Variants in SMARCC2 observed in about 807,000 individuals in gnomAD.
SMARCC2 encodes SWI/SNF complex subunit SMARCC2.
A neutral mutation model predicts 151.3 loss-of-function variants in SMARCC2; 15 were observed. The ratio of observed to expected loss-of-function variants is 0.10; its 90% confidence interval spans 0.07 to 0.15. The LOEUF is 0.15. SMARCC2 is among the 10% of genes least tolerant of loss of function. The pLI is 1.00. For synonymous variants in SMARCC2, 590 were observed against 609.5 expected, an observed-to-expected ratio of 0.97 and a Z score of 0.47; for missense variants, 1,031 against 1,599.7, an observed-to-expected ratio of 0.64 and a Z score of 6.06.
intron 8 of SMARCC2, 28 bp downstream of exon 8, chr12:56,181,976 G>A: frequency 6.3e-7 from 1 of 1,593,826 alleles, no homozygotes; most frequent in Non-Finnish European, 8.6e-7. Flanking sequence ...ATTCTTTTTG[G>A]GGAAGAGGGG....
intron 26 of SMARCC2, among the ~76,000 whole-genome samples, chr12:56,167,844 CCT>C: frequency 6.6e-6 from 1 of 151,614 alleles, no homozygotes; most frequent in Non-Finnish European, 1.5e-5. Context: ...GCTTTGAAGC[CCT>C]GTCTGTCTCA....
In SMARCC2 at chr12:56,165,498, C is replaced by G. The variant is rs1167142156; in HGVS notation, c.3052G>C (p.Ala1018Pro). 5.7e-6 allele frequency: 9 copies of G among 1,584,542 alleles called. No homozygotes were observed. The highest frequency in any genetic ancestry group is 7.7e-6 in the Non-Finnish European group (9 of 1,165,004). The change falls in exon 27 of 29, where the codon GCT becomes CCT. Residue 1018 changes from alanine to proline, a missense_variant. Transcript: ENST00000550164. ...GGGACTACAGAGGCTGGAGCCACAGCCAAGCCATGGACTGCGGGTGGCCCA... is the reference window on the plus strand; with the variant it reads ...GGGACTACAGAGGCTGGAGCCACAGGCAAGCCATGGACTGCGGGTGGCCCA... ...AAGPPAVHGL[A>P]VAPASVVPAP...
In SMARCC2 at chr12:56,164,666, C is replaced by T. The variant is rs147239359; in HGVS notation, c.3298G>A (p.Gly1100Arg). 1.2e-5 allele frequency: 19 copies of T among 1,612,120 alleles called. No individual in the cohort carries two copies. Among genetic ancestry groups the T allele is most frequent in the African/African-American group, 2.7e-5 (2 of 74,904 alleles). ...SMMPGAVPGS[G>R]HPGVAGNAPL... ...GCATTACCCGCCACGCCTGGGTGCC[C>T]GCTGCCTGGCACTGCCCCTGGCATC... Residue 1100 changes from glycine (G) to arginine (R), a missense_variant, in exon 28 of 29, where the codon GGG becomes AGG. By Grantham distance (125) the Gly-to-Arg change is moderately radical. Transcript: ENST00000550164.
chr12:56,187,961 T>C (rs928406477), intron 1 of SMARCC2, among the ~76,000 whole-genome samples: 6 of 152,218 alleles, frequency 3.9e-5, no homozygotes, highest in Non-Finnish European at 8.8e-5. Flanking sequence ...CTTCTATGTT[T>C]CCACACTCTG....
intron 11 of SMARCC2, among the ~76,000 whole-genome samples, chr12:56,180,332 A>AT (rs1313331331): frequency 6.7e-6 from 1 of 150,176 alleles, no homozygotes; most frequent in African/African-American, 2.5e-5. Context: ...GATGGTCTCG[A>AT]TCTCCTGACC....
At chr12:56,185,291 G>C (rs2135751812) in intron 3 of SMARCC2, 180 bp from the exon 4 acceptor site, 1 of 572,102 alleles carries the variant, frequency 1.7e-6, no homozygotes, top group East Asian at 3.1e-5. Context: ...CAATTCTCCT[G>C]TCTCAGCCTC....
At chr12:56,167,910 A>T (rs886583141) in intron 26 of SMARCC2, 150 bp downstream of exon 26, 3 of 858,722 alleles carry the variant, frequency 3.5e-6, no homozygotes, top group Admixed American at 2.3e-5. Flanking sequence ...ACACACACAC[A>T]CTCAGGCTTT....
intron 7 of SMARCC2, 179 bp downstream of exon 7, chr12:56,183,682 A>G (rs1202360554): frequency 7.6e-6 from 4 of 529,454 alleles, no homozygotes; most frequent in Admixed American, 3.5e-5. Context: ...TTTTAGCCCA[A>G]GGCTTGTCCA....
rs1872354778 is a variant in SMARCC2 at position 56,164,310 on chromosome 12, T to A, written c.3654A>T (p.Pro1218=). ...CTCTTGGCCCCTTCTCACCTGGCAG[T>A]GGGCTGGCACTGGGCAGGAGGTTGC... The part of the protein sequence containing the change: ...VQGNLLPSAS[P]LPDPGTPLPP... Residue 1218 remains proline, a synonymous_variant, in exon 28 of 29, where the codon CCA becomes CCT. Coordinates refer to ENST00000550164, the MANE Select transcript of SMARCC2 (RefSeq NM_001330288.2). 6.2e-7 allele frequency: 1 copy of A among 1,612,584 alleles called. No homozygotes were observed. Among genetic ancestry groups the A allele is most frequent in the South Asian group, 1.1e-5 (1 of 91,056 alleles).
At chr12:56,184,045 G>C in intron 6 of SMARCC2, 115 bp from the exon 7 acceptor site, 2 of 1,023,100 alleles carry the variant, frequency 2.0e-6, no homozygotes, top group Non-Finnish European at 3.0e-6. Flanking sequence ...CTTGGTAATA[G>C]GAACTTAAGG....
At chr12:56,188,188 C>T (rs750593558) in intron 1 of SMARCC2, among the ~76,000 whole-genome samples, 5 of 152,144 alleles carry the variant, frequency 3.3e-5, no homozygotes, top group Non-Finnish European at 1.5e-5. Flanking sequence ...CCCCCAAGGC[C>T]GGAGGCTAAG....
intron 1 of SMARCC2, among the ~76,000 whole-genome samples, chr12:56,188,035 CT>C (rs1469073735): frequency 6.6e-6 from 1 of 152,168 alleles, no homozygotes; most frequent in African/African-American, 2.4e-5. Context: ...TTTCTTTTTA[CT>C]TTTTGACCCG....
chr12:56,188,710 G>C (rs1877757443), intron 1 of SMARCC2, among the ~76,000 whole-genome samples: 1 of 152,172 alleles, frequency 6.6e-6, no homozygotes, highest in South Asian at 2.1e-4. Flanking sequence ...GTAAAATCGA[G>C]GAAAGGTTTC....
At chr12:56,172,564 G>T in intron 19 of SMARCC2, 21 bp downstream of exon 19, 1 of 1,614,152 alleles carries the variant, frequency 6.2e-7, no homozygotes, top group Non-Finnish European at 8.5e-7. Context: ...TCTACCCCTA[G>T]AGTCGGCCCG....
intron 2 of SMARCC2, 109 bp downstream of exon 2, chr12:56,187,078 C>G: frequency 8.0e-7 from 1 of 1,243,668 alleles, no homozygotes; most frequent in Non-Finnish European, 1.1e-6. Flanking sequence ...GAAAATAACC[C>G]AAATTTCAAA....
chr12:56,177,540 C>T (rs551847655), intron 15 of SMARCC2, among the ~76,000 whole-genome samples: 6 of 152,194 alleles, frequency 3.9e-5, no homozygotes, highest in East Asian at 3.9e-4. Context: ...CGTGAGCCAC[C>T]GTGGCTCCTA....
At chr12:56,175,442 A>C (rs1874757230) in intron 15 of SMARCC2, among the ~76,000 whole-genome samples, 1 of 152,238 alleles carries the variant, frequency 6.6e-6, no homozygotes, top group East Asian at 1.9e-4. Context: ...TATGTTTTGA[A>C]GTTGAAAAGA....
In SMARCC2 at chr12:56,164,704, G is replaced by A. The variant is rs1180823583; in HGVS notation, c.3260C>T (p.Thr1087Ile). Residue 1087 changes from threonine (T) to isoleucine (I), a missense_variant, in exon 28 of 29, where the codon ACT becomes ATT. Thr to Ile is a moderately conservative substitution (Grantham distance 89, BLOSUM62 -1). Around this residue, in one of 12 missense-constraint regions of SMARCC2, gnomAD observed 310 missense variants for 350.0 expected, o/e 0.89. Coordinates refer to ENST00000550164, the MANE Select transcript of SMARCC2 (RefSeq NM_001330288.2). ...HGPSPFPNQQTPPSMMPGAVP... is the reference protein window; with the variant it reads ...HGPSPFPNQQIPPSMMPGAVP... ...TGCCCCTGGCATCATTGAGGGAGGAGTTTGTTGGTTGGGGAACGGTGAGGG... is the reference window on the plus strand; with the variant it reads ...TGCCCCTGGCATCATTGAGGGAGGAATTTGTTGGTTGGGGAACGGTGAGGG... The A allele has an allele frequency of 1.9e-6, 3 of 1,610,902 alleles. No homozygotes were observed. Among genetic ancestry groups the A allele is most frequent in the Admixed American group, 1.7e-5 (1 of 59,312 alleles).
Position 56,184,182 on chromosome 12 carries a change from T to G in SMARCC2, c.555A>C (p.Leu185=). ...GGAAAACCCAGGTCTCACCTTCTTCTAGATTCCCCGGGACAGGATACACAA... is the reference window on the plus strand; with the variant it reads ...GGAAAACCCAGGTCTCACCTTCTTCGAGATTCCCCGGGACAGGATACACAA... ...SHVVYPVPGN[L]EEEEWVRPVM... Residue 185 remains leucine, a synonymous_variant, in exon 6 of 29, where the codon CTA becomes CTC. Coordinates refer to ENST00000550164, the MANE Select transcript of SMARCC2 (RefSeq NM_001330288.2). 3 of 1,612,890 alleles carry G rather than the reference T, an allele frequency of 1.9e-6. No homozygotes were observed. The highest frequency in any genetic ancestry group is 2.5e-6 in the Non-Finnish European group (3 of 1,179,022).
Sources: allele counts gnomAD v4.1 joint callset (sites outside exome capture counted in the v4.1 genomes callset), GRCh38; gene constraint gnomAD v4.1.1; regional missense constraint gnomAD v4.1.1; transcripts MANE v1.5; gene names NCBI Gene and HGNC (gene_info 2026-07-23, HGNC 2026-07-21).